NFE2L3: variants seen among roughly 807,000 people sequenced by gnomAD.
NFE2L3 encodes nuclear factor erythroid 2-related factor 3.
NFE2L3 carries 18 observed loss-of-function variants against 23.5 expected under a neutral mutation model. The ratio of observed to expected loss-of-function variants is 0.77; its 90% CI spans 0.53 to 1.13. The LOEUF is 1.13. NFE2L3 is among the 50% of genes most tolerant of loss of function. NFE2L3 has a pLI of 0.00. For synonymous variants in NFE2L3, 424 were observed against 354.5 expected, an observed-to-expected ratio of 1.20 and a Z score of -2.20; for missense variants, 1,152 against 877.2, an observed-to-expected ratio of 1.31 and a Z score of -3.96.
chr7:26,182,952 A>T (rs562622956), intron 2 of NFE2L3, among the ~76,000 whole-genome samples: 23 of 151,952 alleles, frequency 1.5e-4, no homozygotes, highest in Admixed American at 2.6e-4. Context: ...ACACCACCAC[A>T]CCCAGCTAAT....
intron 2 of NFE2L3, among the ~76,000 whole-genome samples, chr7:26,182,688 A>C (rs1420313445): frequency 2.0e-5 from 3 of 151,818 alleles, no homozygotes; most frequent in South Asian, 2.1e-4. Context: ...AAGAACTCTG[A>C]AGAGTTCTTT....
chr7:26,177,192 A>T (rs375359749), intron 1 of NFE2L3, among the ~76,000 whole-genome samples: 1 of 151,880 alleles, frequency 6.6e-6, no homozygotes, highest in South Asian at 2.1e-4. Flanking sequence ...CTTCCTAGAC[A>T]GGGTGGCGGC....
intron 2 of NFE2L3, 82 bp from the exon 3 acceptor site, chr7:26,183,619 G>A: frequency 2.5e-6 from 2 of 806,432 alleles, no homozygotes; most frequent in South Asian, 1.5e-5. Flanking sequence ...ATAATACCTG[G>A]TGATCCTTTA....
Position 26,185,014 on chromosome 7 carries a change from A to G in NFE2L3, c.1316A>G (p.His439Arg), listed in dbSNP as rs1210451218. Residue 439 changes from histidine to arginine, a missense_variant, in exon 4 of 4, where the codon CAC becomes CGC. His to Arg is a conservative substitution (Grantham distance 29). Coordinates refer to ENST00000056233, the MANE Select transcript of NFE2L3 (RefSeq NM_004289.7). ...TCTGTCATCAAGTCTAATTCCTCTC[A>G]CTCTGTGTGTGATGAAGGTGCTATA... ...NTSVIKSNSSHSVCDEGAIGY... is the reference protein window; with the variant it reads ...NTSVIKSNSSRSVCDEGAIGY... 2 of 1,613,650 alleles carry G rather than the reference A, an allele frequency of 1.2e-6. No homozygotes were observed. Among genetic ancestry groups the G allele is most frequent in the Non-Finnish European group, 8.5e-7 (1 of 1,179,756 alleles).
rs2128101043 is a variant in NFE2L3, at chr7:26,186,038, TAGGTTAAC to T, written c.*257_*264del. Reference sequence around the variant, plus strand: ...AAAATTCATAGTTATGTCCAAAGAATAGGTTAACATGAAAACCCAGTAAGACTTTCCAT... The same window carrying T: ...AAAATTCATAGTTATGTCCAAAGAATATGAAAACCCAGTAAGACTTTCCAT... On this transcript the variant is annotated 3_prime_UTR_variant, in exon 4 of 4. Transcript: ENST00000056233. 1 of 312,674 alleles carries T rather than the reference TAGGTTAAC, an allele frequency of 3.2e-6. No homozygotes were observed. Among genetic ancestry groups the T allele is most frequent in the East Asian group, 5.2e-5 (1 of 19,206 alleles). 19.4% of individuals were successfully genotyped at this position (312,674 alleles called of 1,614,324 possible).
intron 1 of NFE2L3, among the ~76,000 whole-genome samples, chr7:26,175,233 A>G (rs10951128): frequency 0.24 from 35,281 of 149,868 alleles, 6,224 homozygotes; most frequent in East Asian, 0.53. Flanking sequence ...GGTGGCAGGC[A>G]CCTGTAGTCC....
chr7:26,183,345 C>G (rs538883061), intron 2 of NFE2L3, among the ~76,000 whole-genome samples: 2 of 151,564 alleles, frequency 1.3e-5, no homozygotes, highest in African/African-American at 2.4e-5. Context: ...GTCAAAAGTT[C>G]GAGACCAACT....
chr7:26,184,933 TTGATGAACCAGATTC>T lies in NFE2L3; in HGVS notation c.1240_1254del (p.Glu414_Asp418del). 6.2e-7 allele frequency: 1 copy of T among 1,613,952 alleles called. No homozygotes were observed. The highest frequency in any genetic ancestry group is 8.5e-7 in the Non-Finnish European group (1 of 1,179,846). On this transcript the variant is annotated inframe_deletion, in exon 4 of 4. Coordinates refer to ENST00000056233, the MANE Select transcript of NFE2L3 (RefSeq NM_004289.7). ...GATCCAATCGATGTTTCTCAGCTTT[TTGATGAACCAGATTC>T]TGATTCTGGCCTTTCTTTAGATTCA...
At chr7:26,183,325 A>G (rs1460679998) in intron 2 of NFE2L3, among the ~76,000 whole-genome samples, 2 of 152,126 alleles carry the variant, frequency 1.3e-5, no homozygotes, top group Non-Finnish European at 2.9e-5. Flanking sequence ...AGGTGGGTGG[A>G]TCACTTGCGG....
Position 26,186,713 on chromosome 7 carries a change from A to C in NFE2L3, c.*930A>C, listed in dbSNP as rs1304220707. ...CTCACCAGAACACTGTAAGCCATAT[A>C]AACAGTAGGGAAAGAGTCAGCAACA... On this transcript the variant is annotated 3_prime_UTR_variant, in exon 4 of 4. Coordinates refer to ENST00000056233, the MANE Select transcript of NFE2L3 (RefSeq NM_004289.7). The C allele has an allele frequency of 1.3e-5, 2 of 152,370 alleles. No individual in the cohort carries two copies. Among genetic ancestry groups the C allele is most frequent in the Admixed American group, 6.5e-5 (1 of 15,296 alleles). The allele number at this position is 152,370 out of a possible 1,614,324, so 9.4% of individuals were successfully genotyped here.
intron 1 of NFE2L3, among the ~76,000 whole-genome samples, chr7:26,172,526 C>T (rs891648292): frequency 2.0e-5 from 3 of 152,190 alleles, no homozygotes; most frequent in African/African-American, 7.2e-5. Flanking sequence ...ATCTAATCTA[C>T]AGTCCATTTT....
chr7:26,171,101 G>GT (rs1312707902), intron 1 of NFE2L3, among the ~76,000 whole-genome samples: 2 of 152,194 alleles, frequency 1.3e-5, no homozygotes, highest in African/African-American at 4.8e-5. Flanking sequence ...GGGCTTTTCA[G>GT]TAGAATCCAT....
chr7:26,182,834 G>C (rs1782354810), intron 2 of NFE2L3, among the ~76,000 whole-genome samples: 1 of 152,140 alleles, frequency 6.6e-6, no homozygotes, highest in Admixed American at 6.5e-5. Context: ...ATCTCATTCT[G>C]TTAGGCTGGA....
At chr7:26,182,706 A>G (rs1424439950) in intron 2 of NFE2L3, among the ~76,000 whole-genome samples, 1 of 152,182 alleles carries the variant, frequency 6.6e-6, no homozygotes, top group Non-Finnish European at 1.5e-5. Flanking sequence ...TTTCAACTAG[A>G]AAGAGGCTAA....
intron 1 of NFE2L3, among the ~76,000 whole-genome samples, chr7:26,160,262 T>A (rs937559488): frequency 1.3e-5 from 2 of 152,180 alleles, no homozygotes; most frequent in African/African-American, 4.8e-5. Flanking sequence ...CGGCTGGATC[T>A]ATGTTAATAT....
chr7:26,175,037 A>C (rs759562863), intron 1 of NFE2L3: 1 of 152,210 alleles, frequency 6.6e-6, no homozygotes, highest in Admixed American at 6.5e-5. Context: ...TTTTACATTT[A>C]TCATTTTCCT....
intron 1 of NFE2L3, among the ~76,000 whole-genome samples, chr7:26,155,710 A>G (rs185545211): frequency 6.6e-6 from 1 of 152,298 alleles, no homozygotes; most frequent in East Asian, 1.9e-4. Flanking sequence ...AGAGGTTGCA[A>G]TTTGGAACCA....
intron 1 of NFE2L3, among the ~76,000 whole-genome samples, chr7:26,160,597 C>T (rs964207453): frequency 1.3e-5 from 2 of 152,226 alleles, no homozygotes; most frequent in African/African-American, 4.8e-5. Context: ...AGCTGCAATG[C>T]TACAGGCTTC....
chr7:26,161,233 G>C (rs1784164708), intron 1 of NFE2L3, among the ~76,000 whole-genome samples: 1 of 151,036 alleles, frequency 6.6e-6, no homozygotes, highest in African/African-American at 2.4e-5. Flanking sequence ...GCTGTTATGT[G>C]AAAGAGGCCT....
Sources: allele counts gnomAD v4.1 joint callset (sites outside exome capture counted in the v4.1 genomes callset), GRCh38; gene constraint gnomAD v4.1.1; transcripts MANE v1.5; gene names NCBI Gene and HGNC (gene_info 2026-07-23, HGNC 2026-07-21).